ATP2B3: variants seen among roughly 807,000 people sequenced by gnomAD.
ATP2B3 encodes plasma membrane calcium-transporting ATPase 3.
A neutral mutation model predicts 70.8 loss-of-function variants in ATP2B3; 12 were observed. The observed-to-expected ratio is 0.17, with a 90% CI of 0.11 to 0.27. The LOEUF (loss-of-function observed/expected upper bound fraction) is 0.27. Ranked by LOEUF, ATP2B3 falls within the 10% of genes least tolerant of loss-of-function variation. The pLI is 1.00. For missense variants in ATP2B3, 858 were observed against 1,118.5 expected (o/e 0.77, Z 3.32); for synonymous variants, 460 against 497.8 (o/e 0.92, Z 1.01).
At chrX:153,573,291 A>C (rs1170449701) in intron 21 of ATP2B3, among the ~76,000 whole-genome samples, 1 of 111,744 alleles carries the variant, frequency 8.9e-6, no homozygotes, top group Non-Finnish European at 1.9e-5. Flanking sequence ...TTCCCTGGAC[A>C]CTCCTTTCCA....
At position 153,520,181 on chromosome X, in the gene ATP2B3, G is replaced by A. The variant is rs376686211; in HGVS notation, c.-127+1630G>A. 1.4e-4 allele frequency among the ~76,000 whole-genome samples: 16 copies of A among 112,698 alleles called. No homozygotes were observed. In the East Asian group the frequency reaches 1.7e-3, roughly 12 times the overall value. ...CAGTGAGTGCTCTCCATCCCAGAAC[G>A]TCTGCTCCCAGCCCAGGGATGCAGC... On this transcript the variant is annotated intron_variant, in intron 2 of 21. Transcript: ENST00000263519.
Position 153,550,128 on chromosome X carries a change from G to A in ATP2B3, c.1665G>A (p.Lys555=). The A allele has an allele frequency of 8.2e-7, 1 of 1,212,623 alleles. No individual in the cohort carries two copies. Among genetic ancestry groups the A allele is most frequent in the South Asian group, 1.8e-5 (1 of 57,065 alleles). ...TGCTGGGCTTCGTCTTGGACCTGAA[G>A]CGGGACTTCCAGCCCGTGCGCGAGC... ...CALLGFVLDL[K]RDFQPVREQI... is the part of the protein sequence containing the mutation. The change falls in exon 12 of 22, where the codon AAG becomes AAA. Residue 555 remains lysine, a synonymous_variant. Transcript: ENST00000263519.
At chrX:153,570,030 G>C (rs1441136076) in intron 21 of ATP2B3, 6 of 395,810 alleles carry the variant, frequency 1.5e-5, no homozygotes, top group Non-Finnish European at 2.1e-5. Context: ...TTGTGCCATT[G>C]GTTCTCTTTT....
intron 2 of ATP2B3, among the ~76,000 whole-genome samples, chrX:153,519,640 G>A (rs782626034): frequency 2.3e-4 from 26 of 112,829 alleles, no homozygotes; most frequent in African/African-American, 8.4e-4. Flanking sequence ...CCATCGGAAC[G>A]GGCTGGGAAC....
intron 2 of ATP2B3, among the ~76,000 whole-genome samples, chrX:153,522,809 A>G (rs782183608): frequency 1.8e-5 from 2 of 110,909 alleles, no homozygotes; most frequent in Non-Finnish European, 3.8e-5. Flanking sequence ...CAAAAACCAG[A>G]TCCGGCCACC....
intron 17 of ATP2B3, among the ~76,000 whole-genome samples, chrX:153,558,850 G>C (rs1313902213): frequency 9.0e-6 from 1 of 111,384 alleles, no homozygotes; most frequent in African/African-American, 3.3e-5. Context: ...CCACTTTTTG[G>C]CTCTTGTGAA....
chrX:153,518,005 C>A (rs2089901803), intron 1 of ATP2B3, 130 bp downstream of exon 1: 1 of 109,917 alleles, frequency 9.1e-6, no homozygotes, highest in Non-Finnish European at 1.9e-5. Context: ...CACGGGTCCC[C>A]GCCCGAGGCA....
intron 14 of ATP2B3, 30 bp downstream of exon 14, chrX:153,556,258 C>A: frequency 8.3e-7 from 1 of 1,202,480 alleles, no homozygotes; most frequent in Non-Finnish European, 1.1e-6. Flanking sequence ...CACCCCAGAC[C>A]CCCCTTCTCC....
At chrX:153,541,248 C>A in intron 3 of ATP2B3, 111 bp from the exon 4 acceptor site, 1 of 972,088 alleles carries the variant, frequency 1.0e-6, no homozygotes, top group Non-Finnish European at 1.4e-6. Context: ...CCCCAGAGGG[C>A]TGCTGCCACC....
chrX:153,564,723 G>A (rs782794164), intron 20 of ATP2B3, among the ~76,000 whole-genome samples, 198 bp from the exon 21 acceptor site: 2 of 113,443 alleles, frequency 1.8e-5, no homozygotes, highest in African/African-American at 3.2e-5. Flanking sequence ...CAGCCCCCCG[G>A]GGGAACACTA....
rs782268485 is a variant in ATP2B3 at position 153,548,758 on chromosome X, C to T, written c.1242C>T (p.Phe414=). The change falls in exon 10 of 22, where the codon TTC becomes TTT. Residue 414 remains phenylalanine, a synonymous_variant. Transcript: ENST00000263519. Reference sequence around the variant, plus strand: ...GCACGCCGGTCTATGTACAATACTTCGTGAAGTTCTTCATCATTGGTGTCA... The same window carrying T: ...GCACGCCGGTCTATGTACAATACTTTGTGAAGTTCTTCATCATTGGTGTCA... ...AECTPVYVQY[F]VKFFIIGVTV... 5.8e-6 allele frequency: 7 copies of T among 1,209,978 alleles called. No individual in the cohort carries two copies. The highest frequency in any genetic ancestry group is 5.3e-5 in the South Asian group (3 of 56,743).
At chrX:153,539,799 A>T (rs1333508054) in intron 3 of ATP2B3, among the ~76,000 whole-genome samples, 2 of 113,187 alleles carry the variant, frequency 1.8e-5, no homozygotes, top group Non-Finnish European at 3.8e-5. Flanking sequence ...GTGTCATCCC[A>T]CATGCCTGCC....
rs782759487 is a variant in ATP2B3, at chrX:153,542,420, A to T, written c.762A>T (p.Ser254=). ...GCGAGTCTGACCACGTGCGCAAGTC[A>T]GCTGACAAAGATCCCATGCTGCTCT... ...LTGESDHVRK[S]ADKDPMLLSG... Residue 254 remains serine (S), a synonymous_variant, in exon 6 of 22, where the codon TCA becomes TCT. Coordinates refer to ENST00000263519, the MANE Select transcript of ATP2B3 (RefSeq NM_001001344.3). The T allele has an allele frequency of 5.0e-6, 6 of 1,210,466 alleles. No individual in the cohort carries two copies. The highest frequency in any genetic ancestry group is 6.7e-6 in the Non-Finnish European group (6 of 895,294).
intron 7 of ATP2B3, among the ~76,000 whole-genome samples, chrX:153,545,562 T>A (rs2090352625): frequency 8.9e-6 from 1 of 112,539 alleles, no homozygotes; most frequent in Non-Finnish European, 1.9e-5. Context: ...TCCCAGCTAC[T>A]TGGGAGGCTG....
At chrX:153,563,091 C>T (rs1380179115) in intron 20 of ATP2B3, among the ~76,000 whole-genome samples, 1 of 106,506 alleles carries the variant, frequency 9.4e-6, no homozygotes, top group Non-Finnish European at 1.9e-5. Context: ...GACTTCAACA[C>T]ATGAACTGGA....
chrX:153,522,070 G>A (rs1556997995), intron 2 of ATP2B3, among the ~76,000 whole-genome samples: 1 of 112,306 alleles, frequency 8.9e-6, no homozygotes, highest in African/African-American at 3.2e-5. Context: ...TTCTGTGGTG[G>A]GACAGGCTCC....
chrX:153,547,850 G>A lies in ATP2B3; in HGVS notation c.974G>A (p.Gly325Asp). The A allele has an allele frequency of 2.5e-6, 3 of 1,206,564 alleles. No homozygotes were observed. The highest frequency in any genetic ancestry group is 3.4e-6 in the Non-Finnish European group (3 of 892,466). ...CTGTGTGCAGCTAAGAAGCAGGATG[G>A]TGCAGTGGCCATGGAGATGCAGCCC... Reference protein sequence around the residue: ...SSQTKAKKQDGAVAMEMQPLK... With the variant: ...SSQTKAKKQDDAVAMEMQPLK... The change falls in exon 9 of 22, where the codon GGT becomes GAT. Residue 325 changes from glycine (G) to aspartate (D), a missense_variant. Gly to Asp is a moderately conservative substitution (Grantham distance 94). This residue lies in a region of ATP2B3 where 278 missense variants were observed against 366.2 expected (regional missense o/e 0.76). Coordinates refer to ENST00000263519, the MANE Select transcript of ATP2B3 (RefSeq NM_001001344.3).
chrX:153,543,530 G>A (rs2090319252), intron 7 of ATP2B3, among the ~76,000 whole-genome samples: 1 of 112,842 alleles, frequency 8.9e-6, no homozygotes, highest in African/African-American at 3.2e-5. Flanking sequence ...AGGATCCCAG[G>A]CCAGCGTGGG....
intron 2 of ATP2B3, among the ~76,000 whole-genome samples, chrX:153,523,425 A>G (rs2089985963): frequency 8.9e-6 from 1 of 112,295 alleles, no homozygotes; most frequent in Non-Finnish European, 1.9e-5. Context: ...AGCTCTGCTG[A>G]GGAGCCTCTG....
Sources: allele counts gnomAD v4.1 joint callset (sites outside exome capture counted in the v4.1 genomes callset), GRCh38; gene constraint gnomAD v4.1.1; regional missense constraint gnomAD v4.1.1; transcripts MANE v1.5; gene names NCBI Gene and HGNC (gene_info 2026-07-23, HGNC 2026-07-21).